The following SCFD2 variants were observed in gnomAD, a reference collection of about 807,000 sequenced individuals.
SCFD2 encodes sec1 family domain-containing protein 2.
SCFD2 carries 54 observed loss-of-function variants against 58.9 expected under a neutral mutation model. The ratio of observed to expected loss-of-function variants is 0.92; its 90% confidence interval spans 0.74 to 1.15. The LOEUF (loss-of-function observed/expected upper bound fraction) is 1.15. Ranked by LOEUF, SCFD2 falls within the 50% of genes most tolerant of loss-of-function variation. The pLI is 0.00. For synonymous variants in SCFD2, 321 were observed against 335.9 expected (o/e 0.96, Z 0.49); for missense variants, 805 against 836.6 (o/e 0.96, Z 0.47).
chr4:53,069,144 T>C (rs1053700581), intron 5 of SCFD2, among the ~76,000 whole-genome samples: 4 of 152,082 alleles, frequency 2.6e-5, no homozygotes, highest in African/African-American at 9.7e-5. Context: ...AAGGATCCGC[T>C]AGGGAATCCA....
intron 1 of SCFD2, among the ~76,000 whole-genome samples, chr4:53,355,418 A>G (rs1224547628): frequency 1.3e-5 from 2 of 152,146 alleles, no homozygotes; most frequent in Non-Finnish European, 2.9e-5. Context: ...TATTTTACAG[A>G]TCAGGAAACT....
At chr4:53,230,500 T>C (rs1168200949) in intron 4 of SCFD2, among the ~76,000 whole-genome samples, 6 of 151,984 alleles carry the variant, frequency 3.9e-5, no homozygotes, top group Non-Finnish European at 8.8e-5. Context: ...GAAACCATCA[T>C]TCTCAGCAAA....
At chr4:53,179,101 C>T (rs1485929925) in intron 4 of SCFD2, among the ~76,000 whole-genome samples, 1 of 152,118 alleles carries the variant, frequency 6.6e-6, no homozygotes, top group Non-Finnish European at 1.5e-5. Flanking sequence ...GGAGAACTTC[C>T]CCAATCTAGC....
At chr4:53,030,362 C>G (rs372153152) in intron 5 of SCFD2, among the ~76,000 whole-genome samples, 2 of 151,708 alleles carry the variant, frequency 1.3e-5, no homozygotes, top group African/African-American at 4.8e-5. Flanking sequence ...ATATGCAGAA[C>G]TGGAACCTTC....
intron 4 of SCFD2, among the ~76,000 whole-genome samples, chr4:53,268,864 C>T (rs545870708): frequency 1.2e-4 from 19 of 152,178 alleles, no homozygotes; most frequent in African/African-American, 4.1e-4. Context: ...ATCCACGCCA[C>T]AGGGAAGCAA....
chr4:52,999,646 C>T (rs993267313), intron 5 of SCFD2, among the ~76,000 whole-genome samples: 2 of 152,182 alleles, frequency 1.3e-5, no homozygotes, highest in African/African-American at 2.4e-5. Context: ...CATGTTTCCC[C>T]TGCCAACCCC....
chr4:53,016,760 C>A (rs1362971281), intron 5 of SCFD2, among the ~76,000 whole-genome samples: 2 of 152,070 alleles, frequency 1.3e-5, no homozygotes, highest in African/African-American at 4.8e-5. Context: ...GCTTAGAGAT[C>A]TTGAAGAAAT....
chr4:53,239,215 C>T (rs1304673955), intron 4 of SCFD2, among the ~76,000 whole-genome samples: 5 of 152,032 alleles, frequency 3.3e-5, no homozygotes, highest in Admixed American at 2.0e-4. Context: ...TCAGGCGTGG[C>T]GGCGCGAGTC....
intron 5 of SCFD2, among the ~76,000 whole-genome samples, chr4:53,096,733 T>C (rs1268708501): frequency 1.3e-5 from 2 of 152,266 alleles, no homozygotes; most frequent in Non-Finnish European, 2.9e-5. Flanking sequence ...ATCCCATTTG[T>C]CAATTTTGGC....
chr4:52,960,964 G>A (rs2109540601), intron 5 of SCFD2, among the ~76,000 whole-genome samples: 2 of 152,272 alleles, frequency 1.3e-5, no homozygotes, highest in South Asian at 4.1e-4. Context: ...TGAGTAGTCT[G>A]GCTACAAAAT....
intron 4 of SCFD2, among the ~76,000 whole-genome samples, chr4:53,271,160 A>G (rs1353059493): frequency 6.6e-6 from 1 of 152,162 alleles, no homozygotes; most frequent in African/African-American, 2.4e-5. Context: ...GCTCACCGAC[A>G]TCCTGAAGAG....
At chr4:53,332,195 T>G (rs1175888695) in intron 2 of SCFD2, among the ~76,000 whole-genome samples, 1 of 150,880 alleles carries the variant, frequency 6.6e-6, no homozygotes, top group Admixed American at 6.6e-5. Context: ...CCATTCCTTC[T>G]GAAACTATTC....
chr4:52,920,894 C>T, intron 5 of SCFD2, 24 bp from the exon 6 acceptor site: 2 of 1,555,456 alleles, frequency 1.3e-6, no homozygotes, highest in South Asian at 2.3e-5. Flanking sequence ...GAGATATTTT[C>T]TTGAGTGAGT....
At chr4:53,187,652 A>G (rs1331068337) in intron 4 of SCFD2, among the ~76,000 whole-genome samples, 1 of 152,148 alleles carries the variant, frequency 6.6e-6, no homozygotes, top group African/African-American at 2.4e-5. Context: ...TGAAACAAAT[A>G]TGATATAACA....
intron 5 of SCFD2, among the ~76,000 whole-genome samples, chr4:53,074,863 C>T (rs989986802): frequency 6.6e-6 from 1 of 152,086 alleles, no homozygotes; most frequent in Non-Finnish European, 1.5e-5. Context: ...ATTGTTAAGG[C>T]CCCTAAAATT....
At chr4:53,026,930 A>T (rs1722488448) in intron 5 of SCFD2, among the ~76,000 whole-genome samples, 2 of 152,240 alleles carry the variant, frequency 1.3e-5, no homozygotes, top group Admixed American at 1.3e-4. Flanking sequence ...GTGAAAGTGT[A>T]TAACTTCTCT....
At chr4:53,345,920 G>A (rs1162250658) in intron 2 of SCFD2, among the ~76,000 whole-genome samples, 2 of 151,998 alleles carry the variant, frequency 1.3e-5, no homozygotes, top group East Asian at 1.9e-4. Context: ...ACACAGGGCG[G>A]GGAACATCAC....
chr4:53,132,698 A>C (rs967602061), intron 5 of SCFD2, among the ~76,000 whole-genome samples: 3 of 152,182 alleles, frequency 2.0e-5, no homozygotes, highest in African/African-American at 4.8e-5. Flanking sequence ...CACTTACTGT[A>C]ATGAGTTAAA....
intron 6 of SCFD2, among the ~76,000 whole-genome samples, chr4:52,920,088 G>A (rs1387367088): frequency 1.3e-5 from 2 of 152,202 alleles, no homozygotes; most frequent in East Asian, 3.9e-4. Context: ...CAGCCTCAGT[G>A]GCTCTAACCT....
Sources: allele counts gnomAD v4.1 joint callset (sites outside exome capture counted in the v4.1 genomes callset), GRCh38; gene constraint gnomAD v4.1.1; transcripts MANE v1.5; gene names NCBI Gene and HGNC (gene_info 2026-07-23, HGNC 2026-07-21).